The following SNRPN variants were observed in gnomAD, a reference collection of about 807,000 sequenced individuals.
The protein encoded by SNRPN is small nuclear ribonucleoprotein-associated protein N.
In SNRPN, 7 loss-of-function variants were observed where a neutral mutation model predicts 25.2. The observed-to-expected ratio is 0.28, with a 90% CI of 0.16 to 0.52. The LOEUF (loss-of-function observed/expected upper bound fraction) is 0.52. Among genes scored for constraint, SNRPN ranks in the 20% least tolerant of loss-of-function variants. SNRPN has a pLI of 0.96. For synonymous variants in SNRPN, 124 were observed against 110.6 expected (o/e 1.12, Z -0.76); for missense variants, 196 against 322.5 (o/e 0.61, Z 3.00).
intron 2 of SNRPN, among the ~76,000 whole-genome samples, chr15:24,918,963 G>A (rs1489775251): frequency 2.3e-5 from 2 of 86,816 alleles, no homozygotes; most frequent in Admixed American, 1.3e-4. Context: ...ATATATATGC[G>A]CGCATATATA....
chr15:24,955,839 G>A (rs1000660887), intron 1 of SNRPN, among the ~76,000 whole-genome samples: 5 of 151,154 alleles, frequency 3.3e-5, no homozygotes, highest in South Asian at 2.1e-4. Context: ...TGGCGGCGGT[G>A]GGCATGGCAT....
At chr15:24,913,277 GATACTC>G (rs1368606938) in intron 2 of SNRPN, among the ~76,000 whole-genome samples, 1 of 152,098 alleles carries the variant, frequency 6.6e-6, no homozygotes, top group Non-Finnish European at 1.5e-5. Context: ...AACGGACTAA[GATACTC>G]AGGAAAACAG....
intron 2 of SNRPN, among the ~76,000 whole-genome samples, chr15:24,964,427 G>A (rs946931495): frequency 2.0e-5 from 3 of 152,010 alleles, no homozygotes; most frequent in Non-Finnish European, 2.9e-5. Context: ...CAAGTAACTG[G>A]GATTATAGGT....
At chr15:24,966,580 C>T (rs2075675929) in intron 2 of SNRPN, among the ~76,000 whole-genome samples, 1 of 152,102 alleles carries the variant, frequency 6.6e-6, no homozygotes, top group African/African-American at 2.4e-5. Context: ...CCTGGTTAGT[C>T]ACCATCTTGA....
intron 2 of SNRPN, among the ~76,000 whole-genome samples, chr15:24,901,855 G>A (rs1244664968): frequency 1.3e-5 from 2 of 152,118 alleles, no homozygotes; most frequent in Admixed American, 6.5e-5. Flanking sequence ...GTAATGAGGC[G>A]AGAAGGGACA....
chr15:24,857,797 C>A (rs1316482597), intron 1 of SNRPN, among the ~76,000 whole-genome samples: 1 of 152,116 alleles, frequency 6.6e-6, no homozygotes, highest in East Asian at 1.9e-4. Flanking sequence ...TCACCCAGAG[C>A]CGGCTGTGCA....
chr15:24,838,323 C>G (rs997611438), intron 2 of SNRPN, among the ~76,000 whole-genome samples: 3 of 152,202 alleles, frequency 2.0e-5, no homozygotes, highest in African/African-American at 7.2e-5. Flanking sequence ...GCGTGAGCCA[C>G]CATGCCCGGC....
At position 24,932,320 on chromosome 15, in the gene SNRPN, C is replaced by T. The variant is rs771565399; in HGVS notation, c.-391+12196C>T. 4.4e-4 allele frequency among the ~76,000 whole-genome samples: 67 copies of T among 151,436 alleles called. 1 individual carries two copies. Among genetic ancestry groups the T allele is most frequent in the South Asian group, 4.2e-4 (2 of 4,782 alleles). ...TGCGATCTTGGCTCACTGCACCCTC[C>T]GCCTCCTGGGTTCAAGTGATTCTCC... is the stretch of plus-strand genomic sequence containing the variant. On this transcript the variant is annotated intron_variant, in intron 3 of 11. Transcript: ENST00000400097.
intron 1 of SNRPN, among the ~76,000 whole-genome samples, chr15:24,882,578 G>A (rs1277666711): frequency 1.3e-5 from 2 of 152,032 alleles, no homozygotes; most frequent in African/African-American, 2.4e-5. Flanking sequence ...TGTAATTCCA[G>A]CACTTTGGGA....
chr15:24,828,949 G>A (rs1453234849), intron 1 of SNRPN, among the ~76,000 whole-genome samples: 1 of 151,916 alleles, frequency 6.6e-6, no homozygotes, highest in Non-Finnish European at 1.5e-5. Flanking sequence ...GAGGCTGAGG[G>A]GAGTCACATG....
rs75281276 is a variant in SNRPN at position 24,878,749 on chromosome 15, C to CT, written c.-578-7761dup. Among the ~76,000 whole-genome samples, 32 of 152,062 alleles carry CT rather than the reference C, an allele frequency of 2.1e-4. No homozygotes were observed. In the East Asian group the frequency reaches 6.0e-3, roughly 28 times the overall value. On this transcript the variant is annotated intron_variant, in intron 1 of 11. Transcript: ENST00000400097. ...TCCCTCTCAATATTAACAATTTTAT[C>CT]TTTTTTGCGTTCTTTGAAAAAAACG...
At chr15:24,886,718 G>C (rs1490824816) in intron 2 of SNRPN, 1 of 152,180 alleles carries the variant, frequency 6.6e-6, no homozygotes, top group Non-Finnish European at 1.5e-5. Flanking sequence ...TCCAGCCATA[G>C]CACACATTAG....
At chr15:24,944,786 G>T (rs1305437332) in intron 3 of SNRPN, among the ~76,000 whole-genome samples, 15 of 152,162 alleles carry the variant, frequency 9.9e-5, no homozygotes, top group Non-Finnish European at 1.3e-4. Flanking sequence ...CTCAGAATTG[G>T]TCATGTGGTT....
upstream of SNRPN, among the ~76,000 whole-genome samples, chr15:24,954,180 C>G (rs73354178): frequency 1.3e-5 from 2 of 152,128 alleles, no homozygotes; most frequent in Admixed American, 6.5e-5. Context: ...AATATTATGT[C>G]GTAAATAATG....
chr15:24,869,251 A>G (rs1178187126), intron 1 of SNRPN, among the ~76,000 whole-genome samples: 1 of 152,210 alleles, frequency 6.6e-6, no homozygotes, highest in Non-Finnish European at 1.5e-5. Context: ...AAATTTTAGA[A>G]TAGTTTAGAT....
chr15:24,952,293 T>G (rs542312945), upstream of SNRPN, among the ~76,000 whole-genome samples: 2 of 152,222 alleles, frequency 1.3e-5, no homozygotes, highest in Admixed American at 1.3e-4. Flanking sequence ...GTCTATTCTG[T>G]ACAGAATAGT....
intron 2 of SNRPN, among the ~76,000 whole-genome samples, chr15:24,916,316 T>C (rs898197842): frequency 6.6e-6 from 1 of 151,874 alleles, no homozygotes; most frequent in African/African-American, 2.4e-5. Context: ...AGTGAAAAAA[T>C]TTAAAAACTT....
Position 24,836,503 on chromosome 15 carries a change from C to G in SNRPN, c.-579+6598C>G, listed in dbSNP as rs993471370. ...CTCTGCTAACCACAAACTCTGCGTCCCGTTTTCAAGCGATTCTCCTGCCTC... is the reference window on the plus strand; with the variant it reads ...CTCTGCTAACCACAAACTCTGCGTCGCGTTTTCAAGCGATTCTCCTGCCTC... On this transcript the variant is annotated intron_variant, in intron 2 of 12. Coordinates refer to the SNRPN transcript ENST00000400100. Among the ~76,000 whole-genome samples, 6 of 151,502 alleles carry G rather than the reference C, an allele frequency of 4.0e-5. 1 individual carries two copies. Among genetic ancestry groups the G allele is most frequent in the African/African-American group, 1.5e-4 (6 of 40,894 alleles).
At chr15:24,828,641 GA>G (rs1479731289) in intron 1 of SNRPN, among the ~76,000 whole-genome samples, 1 of 152,086 alleles carries the variant, frequency 6.6e-6, no homozygotes, top group Non-Finnish European at 1.5e-5. Context: ...TTGAGCCCAG[GA>G]ATTGGAGGCT....
Sources: gnomAD v4.1 joint callset for allele counts (sites outside exome capture counted in the v4.1 genomes callset) on GRCh38, gnomAD v4.1.1 for gene constraint, MANE v1.5 for transcripts, NCBI Gene and HGNC (gene_info 2026-07-23, HGNC 2026-07-21) for gene names.